The following HMCN1 variants were observed in gnomAD, a reference collection of about 807,000 sequenced individuals.
HMCN1 encodes the protein hemicentin-1.
A neutral mutation model predicts 625.9 loss-of-function variants in HMCN1; 321 were observed. The ratio of observed to expected loss-of-function variants is 0.51; its 90% confidence interval spans 0.47 to 0.56. The LOEUF (loss-of-function observed/expected upper bound fraction) is 0.56, where lower values mean the gene tolerates loss of function less well. Among genes scored for constraint, HMCN1 ranks in the 20% least tolerant of loss-of-function variants. The probability of loss-of-function intolerance (pLI) is 0.00; values close to 1 mark genes in which losing one functional copy is unlikely to be tolerated. For synonymous variants in HMCN1, 2,425 were observed against 2,417.6 expected (o/e 1.00, Z -0.09); for missense variants, 6,588 against 6,887.3 (o/e 0.96, Z 1.54).
At chr1:186,030,086 T>A (rs1389053751) in intron 36 of HMCN1, among the ~76,000 whole-genome samples, 1 of 152,124 alleles carries the variant, frequency 6.6e-6, no homozygotes, top group African/African-American at 2.4e-5. Context: ...ACTGTAAGAT[T>A]ATAGTCCTTT....
chr1:185,960,828 G>A (rs1217727856), intron 11 of HMCN1, among the ~76,000 whole-genome samples: 1 of 152,196 alleles, frequency 6.6e-6, no homozygotes, highest in East Asian at 1.9e-4. Context: ...AAATTCCAAA[G>A]AGAAAGAACT....
chr1:186,118,086 G>T (rs1271562610), intron 77 of HMCN1, among the ~76,000 whole-genome samples: 1 of 152,122 alleles, frequency 6.6e-6, no homozygotes, highest in Admixed American at 6.5e-5. Context: ...AATTGAGTAT[G>T]TAAGACTGAG....
intron 53 of HMCN1, among the ~76,000 whole-genome samples, chr1:186,075,728 A>G (rs1658773774): frequency 6.6e-6 from 1 of 152,154 alleles, no homozygotes; most frequent in African/African-American, 2.4e-5. Flanking sequence ...CCAGACTTCT[A>G]TTGTTGAATG....
At chr1:185,931,808 A>G (rs1033243127) in intron 10 of HMCN1, among the ~76,000 whole-genome samples, 1 of 152,192 alleles carries the variant, frequency 6.6e-6, no homozygotes, top group Admixed American at 6.6e-5. Context: ...TGTTTGTTTC[A>G]TAGGGATCTG....
chr1:185,834,435 G>T (rs1378015599), intron 1 of HMCN1, among the ~76,000 whole-genome samples: 1 of 152,072 alleles, frequency 6.6e-6, no homozygotes. Context: ...TTCCTCTTGA[G>T]CTATTGGACT....
chr1:186,111,876 T>C (rs926945950), intron 71 of HMCN1, among the ~76,000 whole-genome samples: 4 of 152,178 alleles, frequency 2.6e-5, no homozygotes, highest in Non-Finnish European at 4.4e-5. Context: ...CATATTTTAC[T>C]TTGAACAATG....
chr1:185,825,129 G>A (rs530253369), intron 1 of HMCN1, among the ~76,000 whole-genome samples: 1 of 152,164 alleles, frequency 6.6e-6, no homozygotes, highest in East Asian at 1.9e-4. Context: ...TATGTGTTAG[G>A]AACTATGCTA....
chr1:185,817,585 A>G (rs984763829), intron 1 of HMCN1, among the ~76,000 whole-genome samples: 2 of 152,216 alleles, frequency 1.3e-5, no homozygotes, highest in Non-Finnish European at 2.9e-5. Flanking sequence ...ATCACAAATA[A>G]TGGTTAATTC....
intron 4 of HMCN1, among the ~76,000 whole-genome samples, chr1:185,867,790 G>T (rs868085561): frequency 2.0e-5 from 3 of 152,022 alleles, no homozygotes; most frequent in African/African-American, 7.2e-5. Flanking sequence ...CCCAAAACAG[G>T]CTGAGCGCAG....
intron 41 of HMCN1, among the ~76,000 whole-genome samples, chr1:186,048,004 A>G (rs899855983): frequency 4.6e-5 from 7 of 152,120 alleles, no homozygotes; most frequent in Non-Finnish European, 2.9e-5. Context: ...ACTGCTTGTT[A>G]TATCTTTTGT....
intron 4 of HMCN1, among the ~76,000 whole-genome samples, chr1:185,872,420 A>G (rs1663675329): frequency 6.6e-6 from 1 of 152,168 alleles, no homozygotes; most frequent in African/African-American, 2.4e-5. Flanking sequence ...TTGTTTAGAT[A>G]AAACAAAAAA....
At chr1:185,809,609 C>A (rs943942674) in intron 1 of HMCN1, among the ~76,000 whole-genome samples, 1 of 151,838 alleles carries the variant, frequency 6.6e-6, no homozygotes, top group African/African-American at 2.4e-5. Flanking sequence ...AAAGGTGATC[C>A]TTGCCCTTTG....
At chr1:185,874,084 G>GT (rs971552106) in intron 4 of HMCN1, among the ~76,000 whole-genome samples, 36 of 150,546 alleles carry the variant, frequency 2.4e-4, no homozygotes, top group Admixed American at 5.3e-4. Flanking sequence ...TATGAATATT[G>GT]TTTTTTTTTA....
In HMCN1 at chr1:186,018,206, T is replaced by C. The variant is rs1443087239; in HGVS notation, c.5324T>C (p.Ile1775Thr). Residue 1775 changes from isoleucine (I) to threonine (T), a missense_variant, in exon 34 of 107, where the codon ATT (isoleucine) becomes ACT (threonine). Ile to Thr is a moderately conservative substitution (Grantham distance 89). Coordinates refer to ENST00000271588, the MANE Select transcript of HMCN1 (RefSeq NM_031935.3). ...TIMWLKDGQL[I>T]DERDGFKILL... ...AGGTGGCTGAAGGATGGCCAGTTAA[T>C]TGATGAAAGGGATGGATTCAAGATT... 2.5e-6 allele frequency: 4 copies of C among 1,612,792 alleles called. No individual in the cohort carries two copies. Among genetic ancestry groups the C allele is most frequent in the African/African-American group, 1.3e-5 (1 of 74,970 alleles).
At chr1:185,950,747 A>C (rs558992835) in intron 11 of HMCN1, among the ~76,000 whole-genome samples, 4,992 of 151,290 alleles carry the variant, frequency 0.033, 90 homozygotes, top group African/African-American at 0.082. Context: ...GCTGGGATTA[A>C]GGGTGCAAAG....
In HMCN1 at chr1:186,189,678, C is replaced by G. The variant is rs758716527; in HGVS notation, c.16708C>G (p.Leu5570Val). ...DGVMHPRTTF[L>V]MVDEEQTVPF... ...AGTGATGCATCCCAGGACAACTTTC[C>G]TCATGGTAGATGAGGAACAGACTGT... is the stretch of plus-strand genomic sequence containing the variant. The change falls in exon 107 of 107, where the codon CTC becomes GTC. Residue 5570 changes from leucine to valine, a missense_variant. This residue lies in a region of HMCN1 where 1,954 missense variants were observed against 2,013.1 expected (regional missense o/e 0.97). Transcript: ENST00000271588. 1.2e-6 allele frequency: 2 copies of G among 1,612,348 alleles called. No homozygotes were observed. The highest frequency in any genetic ancestry group is 1.7e-5 in the Admixed American group (1 of 59,906).
intron 1 of HMCN1, among the ~76,000 whole-genome samples, chr1:185,783,452 C>T: frequency 1.3e-5 from 2 of 152,226 alleles, no homozygotes; most frequent in South Asian, 4.1e-4. Flanking sequence ...TTTTTCTGCT[C>T]TGTTTTTTCC....
chr1:186,082,976 C>T lies in HMCN1; in HGVS notation c.8884+15C>T. 1 of 1,467,184 alleles carries T rather than the reference C, an allele frequency of 6.8e-7. No homozygotes were observed. Among genetic ancestry groups the T allele is most frequent in the Non-Finnish European group, 9.4e-7 (1 of 1,059,820 alleles). The allele number at this position is 1,467,184 out of a possible 1,614,324, so 90.9% of individuals were successfully genotyped here. On this transcript the variant is annotated intron_variant, in intron 57 of 106. Transcript: ENST00000271588. ...CAATGTTCATGGTAAGAGCTCAGTT[C>T]CAAAACCATCTGTTAGGGTATGCTT...
At chr1:186,157,934 ATAGTCCTTTGGGTATATACC>A (rs1651142898) in intron 97 of HMCN1, among the ~76,000 whole-genome samples, 1 of 152,160 alleles carries the variant, frequency 6.6e-6, no homozygotes, top group African/African-American at 2.4e-5. Context: ...AGCATCATTT[ATAGTCCTTTGGGTATATACC>A]CAGTAATGGG....
Sources: gnomAD v4.1 joint callset for allele counts (sites outside exome capture counted in the v4.1 genomes callset) on GRCh38, gnomAD v4.1.1 for gene constraint, gnomAD v4.1.1 regional missense constraint, MANE v1.5 for transcripts, NCBI Gene and HGNC (gene_info 2026-07-23, HGNC 2026-07-21) for gene names.